Variants in OPHN1 observed in about 807,000 individuals in gnomAD.
The protein encoded by OPHN1 is oligophrenin 1.
OPHN1 carries 11 observed loss-of-function variants against 60.7 expected under a neutral mutation model. That is an observed-to-expected ratio of 0.18 (90% CI 0.11 to 0.30). OPHN1 has a LOEUF of 0.30. OPHN1 is among the 10% of genes least tolerant of loss of function. The probability of loss-of-function intolerance (pLI) is 1.00; values close to 1 mark genes in which losing one functional copy is unlikely to be tolerated. For synonymous variants in OPHN1, 226 were observed against 222.6 expected, an observed-to-expected ratio of 1.02 and a Z score of -0.14; for missense variants, 449 against 611.0, an observed-to-expected ratio of 0.73 and a Z score of 2.80.
At chrX:68,159,597 A>T (rs1343222111) in intron 15 of OPHN1, among the ~76,000 whole-genome samples, 1 of 112,012 alleles carries the variant, frequency 8.9e-6, no homozygotes, top group South Asian at 3.7e-4. Flanking sequence ...AAAAACTATC[A>T]AAAGTAATCA....
intron 2 of OPHN1, among the ~76,000 whole-genome samples, chrX:68,393,811 T>TG (rs771206924): frequency 1.7e-4 from 18 of 107,541 alleles, no homozygotes; most frequent in Middle Eastern, 4.8e-3. Context: ...GAAATGTACC[T>TG]GGGTGTCAAG....
chrX:68,045,239 C>T lies in OPHN1; in HGVS notation c.*1933G>A, dbSNP rs1381496444. ...CTGGGTACAGTGGAGTGAGTTCAACCGGGCCACCTGGATATGCCTTGATTT... is the reference window on the plus strand; with the variant it reads ...CTGGGTACAGTGGAGTGAGTTCAACTGGGCCACCTGGATATGCCTTGATTT... On this transcript the variant is annotated 3_prime_UTR_variant, in exon 25 of 25. Coordinates refer to ENST00000355520, the MANE Select transcript of OPHN1 (RefSeq NM_002547.3). The T allele has an allele frequency of 1.8e-5, 2 of 111,640 alleles. No homozygotes were observed. Among genetic ancestry groups the T allele is most frequent in the Non-Finnish European group, 3.8e-5 (2 of 53,132 alleles). 9.2% of individuals were successfully genotyped at this position (111,640 alleles called of 1,213,427 possible).
At position 68,046,131 on chromosome X, in the gene OPHN1, G is replaced by T. The variant is rs1008672082; in HGVS notation, c.*1041C>A. ...CAGAACATTATGGACTATCTCCCCA[G>T]AAAGGGCATATTGTCATGGAATTGT... On this transcript the variant is annotated 3_prime_UTR_variant, in exon 25 of 25. Coordinates refer to ENST00000355520, the MANE Select transcript of OPHN1 (RefSeq NM_002547.3). 2 of 112,243 alleles carry T rather than the reference G, an allele frequency of 1.8e-5. No homozygotes were observed. Among genetic ancestry groups the T allele is most frequent in the Admixed American group, 9.4e-5 (1 of 10,592 alleles). 9.3% of individuals were successfully genotyped at this position (112,243 alleles called of 1,213,427 possible). A position where few individuals can be genotyped will look rare whatever the true frequency, so the allele number is the denominator to read the frequency against.
At position 68,073,219 on chromosome X, in the gene OPHN1, G is replaced by A; in HGVS notation, c.1767C>T (p.Ile589=). ...PRVTARRHKP[I]TISKRLLRER... Reference sequence around the variant, plus strand: ...CTCGCAGCAAGCGCTTTGAAATCGTGATTGGTTTGTGCCTTCTTGCTGTCA... The same window carrying A: ...CTCGCAGCAAGCGCTTTGAAATCGTAATTGGTTTGTGCCTTCTTGCTGTCA... The change falls in exon 20 of 25, where the codon ATC becomes ATT. Residue 589 remains isoleucine, a synonymous_variant. Transcript: ENST00000355520. 1.7e-6 allele frequency: 2 copies of A among 1,211,886 alleles called. No individual in the cohort carries two copies. Among genetic ancestry groups the A allele is most frequent in the Non-Finnish European group, 2.2e-6 (2 of 895,415 alleles).
intron 4 of OPHN1, among the ~76,000 whole-genome samples, chrX:68,277,984 T>C (rs2078000405): frequency 8.9e-6 from 1 of 111,817 alleles, no homozygotes; most frequent in Non-Finnish European, 1.9e-5. Context: ...GGGATTGTCC[T>C]GCATAAGCAA....
intron 2 of OPHN1, among the ~76,000 whole-genome samples, chrX:68,393,892 T>G (rs1335789795): frequency 1.5e-5 from 1 of 67,676 alleles, no homozygotes; most frequent in African/African-American, 4.8e-5. Context: ...TTTGTTTTTT[T>G]TTTTTTTTTT....
chrX:68,154,941 T>C (rs1460275082), intron 15 of OPHN1, among the ~76,000 whole-genome samples: 1 of 108,508 alleles, frequency 9.2e-6, no homozygotes, highest in Non-Finnish European at 1.9e-5. Flanking sequence ...AAAGGTGAAG[T>C]CTATGCTGAC....
chrX:68,257,577 G>GA (rs58257842), intron 5 of OPHN1, among the ~76,000 whole-genome samples: 7 of 109,440 alleles, frequency 6.4e-5, no homozygotes, highest in African/African-American at 2.0e-4. Context: ...AGCAGGTACT[G>GA]AAAAAAAAAT....
chrX:68,237,337 G>C (rs1441127770), intron 5 of OPHN1, among the ~76,000 whole-genome samples: 2 of 111,754 alleles, frequency 1.8e-5, no homozygotes, highest in Non-Finnish European at 3.8e-5. Context: ...TTTCTATTCT[G>C]GTCCTTTCCA....
chrX:68,377,422 T>A (rs1361071610), intron 2 of OPHN1, among the ~76,000 whole-genome samples: 4 of 107,948 alleles, frequency 3.7e-5, no homozygotes, highest in African/African-American at 1.3e-4. Context: ...TTTTTTATTT[T>A]TTATTTTTTA....
At chrX:68,197,501 T>C (rs2077517839) in intron 11 of OPHN1, among the ~76,000 whole-genome samples, 1 of 111,260 alleles carries the variant, frequency 9.0e-6, no homozygotes, top group Non-Finnish European at 1.9e-5. Context: ...GCCCAGATCC[T>C]GCAAGAAATA....
At chrX:68,153,215 A>G (rs1238709462) in intron 15 of OPHN1, among the ~76,000 whole-genome samples, 3 of 109,349 alleles carry the variant, frequency 2.7e-5, no homozygotes, top group Non-Finnish European at 3.8e-5. Flanking sequence ...CATGTCAAAA[A>G]AAAAAAAAAA....
chrX:68,262,301 G>A (rs987993290), intron 5 of OPHN1, among the ~76,000 whole-genome samples: 1 of 112,058 alleles, frequency 8.9e-6, no homozygotes, highest in Non-Finnish European at 1.9e-5. Context: ...AACATGAGAA[G>A]ACTTTTGATT....
At chrX:68,320,785 T>C in intron 2 of OPHN1, among the ~76,000 whole-genome samples, 1 of 111,718 alleles carries the variant, frequency 9.0e-6, no homozygotes, top group East Asian at 2.8e-4. Flanking sequence ...AGTCCAGGTC[T>C]CTGGAACATC....
At chrX:68,213,791 G>T in intron 7 of OPHN1, 71 bp downstream of exon 7, 2 of 639,276 alleles carry the variant, frequency 3.1e-6, no homozygotes, top group South Asian at 2.4e-5. Flanking sequence ...CTGTTTTTAT[G>T]ATCAAAGTTT....
intron 15 of OPHN1, among the ~76,000 whole-genome samples, chrX:68,124,970 CA>C (rs1196536258): frequency 9.0e-6 from 1 of 110,658 alleles, no homozygotes; most frequent in Non-Finnish European, 1.9e-5. Context: ...TTAAAACATT[CA>C]AAAAAACTGA....
chrX:68,077,676 T>C (rs1473550834), intron 19 of OPHN1, among the ~76,000 whole-genome samples: 1 of 112,435 alleles, frequency 8.9e-6, no homozygotes, highest in African/African-American at 3.2e-5. Flanking sequence ...CATTAAATTG[T>C]TAACAATCAC....
intron 15 of OPHN1, among the ~76,000 whole-genome samples, chrX:68,147,103 T>C (rs1602189941): frequency 8.9e-6 from 1 of 111,818 alleles, no homozygotes; most frequent in East Asian, 2.8e-4. Context: ...TCCAAGCCCA[T>C]GCCTGTCCAC....
chrX:68,373,141 T>C (rs963014723), intron 2 of OPHN1, among the ~76,000 whole-genome samples: 4 of 112,255 alleles, frequency 3.6e-5, no homozygotes, highest in Non-Finnish European at 5.6e-5. Flanking sequence ...CAGTATGTTT[T>C]AGAAAGCCTC....
Sources: allele counts gnomAD v4.1 joint callset (sites outside exome capture counted in the v4.1 genomes callset), GRCh38; gene constraint gnomAD v4.1.1; transcripts MANE v1.5; gene names NCBI Gene and HGNC (gene_info 2026-07-23, HGNC 2026-07-21).